Variants in MUCL1 observed in about 807,000 individuals in gnomAD.
The protein encoded by MUCL1 is mucin-like protein 1.
MUCL1 carries 11 observed loss-of-function variants against 9.2 expected under a neutral mutation model. The observed-to-expected ratio is 1.19, with a 90% CI of 0.75 to 1.97. The LOEUF (loss-of-function observed/expected upper bound fraction) is 1.97, where lower values mean the gene tolerates loss of function less well. Among genes scored for constraint, MUCL1 ranks in the 30% most tolerant of loss-of-function variants. The probability of loss-of-function intolerance (pLI) is 0.00; values close to 1 mark genes in which losing one functional copy is unlikely to be tolerated. For missense variants in MUCL1, 144 were observed against 110.9 expected, an observed-to-expected ratio of 1.30 and a Z score of -1.34; for synonymous variants, 48 against 40.5, an observed-to-expected ratio of 1.19 and a Z score of -0.71.
chr12:54,834,412 G>A (rs1447091579), upstream of MUCL1, among the ~76,000 whole-genome samples: 2 of 151,622 alleles, frequency 1.3e-5, no homozygotes, highest in African/African-American at 2.4e-5. Flanking sequence ...TCTTTTCATC[G>A]TCTAATTGTA....
At chr12:54,852,164 T>A (rs997007877), upstream of MUCL1, among the ~76,000 whole-genome samples, 1 of 152,098 alleles carries the variant, frequency 6.6e-6, no homozygotes, top group African/African-American at 2.4e-5. Context: ...TACTTTAAAG[T>A]TCATATGGAA....
At chr12:54,844,534 A>C (rs1259432649) in intron 1 of MUCL1, among the ~76,000 whole-genome samples, 1 of 152,194 alleles carries the variant, frequency 6.6e-6, no homozygotes, top group Non-Finnish European at 1.5e-5. Context: ...TGTGATGTGC[A>C]CCTAAAAGAG....
intron 2 of MUCL1, 129 bp downstream of exon 2, chr12:54,855,286 G>A (rs1565779124): frequency 5.3e-6 from 4 of 750,322 alleles, no homozygotes; most frequent in East Asian, 2.7e-5. Flanking sequence ...GTCTGTGAAA[G>A]CTATATTCCT....
upstream of MUCL1, among the ~76,000 whole-genome samples, chr12:54,836,230 G>A (rs1433628992): frequency 6.6e-6 from 1 of 152,026 alleles, no homozygotes; most frequent in Non-Finnish European, 1.5e-5. Flanking sequence ...TTTTGTAGTT[G>A]TTGCTGGCAA....
intron 1 of MUCL1, among the ~76,000 whole-genome samples, chr12:54,846,403 A>T (rs916830852): frequency 6.6e-6 from 1 of 152,184 alleles, no homozygotes; most frequent in Non-Finnish European, 1.5e-5. Context: ...CTGTGGCATG[A>T]CCTGCGAAGG....
chr12:54,831,910 G>A (rs1223420413), intron 1 of MUCL1, among the ~76,000 whole-genome samples: 1 of 152,074 alleles, frequency 6.6e-6, no homozygotes, highest in South Asian at 2.1e-4. Context: ...CTCTATAAAA[G>A]AAACCTTACT....
chr12:54,850,637 T>C (rs1024846907), upstream of MUCL1, among the ~76,000 whole-genome samples: 5 of 152,200 alleles, frequency 3.3e-5, no homozygotes, highest in Non-Finnish European at 7.3e-5. Flanking sequence ...CATGTGTCTT[T>C]TTAGCAGCAT....
At chr12:54,834,164 C>T (rs1257515094) in intron 1 of MUCL1, among the ~76,000 whole-genome samples, 1 of 151,988 alleles carries the variant, frequency 6.6e-6, no homozygotes. Flanking sequence ...ACTTCATGAA[C>T]TTATTTTTCT....
At chr12:54,839,559 C>A in intron 1 of MUCL1, 2 of 694,964 alleles carry the variant, frequency 2.9e-6, no homozygotes, top group Non-Finnish European at 5.2e-6. Context: ...AGGGAGGGAG[C>A]AACCTCATCC....
In MUCL1 at chr12:54,839,422, G is replaced by A. The variant is rs749097234; in HGVS notation, c.18G>A (p.Gly6=). The A allele has an allele frequency of 1.6e-5, 11 of 701,922 alleles. No individual in the cohort carries two copies. In the Admixed American group the frequency reaches 2.2e-4, roughly 14 times the overall value. The allele number at this position is 701,922 out of a possible 1,614,324, so 43.5% of individuals were successfully genotyped here. Residue 6 remains glycine, a synonymous_variant, in exon 1 of 4, where the codon GGG becomes GGA. Coordinates refer to the MUCL1 transcript ENST00000546809. ...TGGCCAGTATGGGAGGTGACCATGG[G>A]TATCAACTGGCAGTGACTAAAGCAG...
rs528834379 is a variant in MUCL1, at chr12:54,841,326, T to G, written c.43+1879T>G. Among the ~76,000 whole-genome samples, 7 of 152,358 alleles carry G rather than the reference T, an allele frequency of 4.6e-5. No individual in the cohort carries two copies. In the South Asian group the frequency reaches 1.4e-3, roughly 32 times the overall value. Reference sequence around the variant, plus strand: ...CAACACATGAAGGGGCACAGATATCTCTATAAGATGCTGATTTCCTTTGAG... The same window carrying G: ...CAACACATGAAGGGGCACAGATATCGCTATAAGATGCTGATTTCCTTTGAG... On this transcript the variant is annotated intron_variant, in intron 1 of 3. Transcript: ENST00000546809.
upstream of MUCL1, among the ~76,000 whole-genome samples, chr12:54,853,186 G>T (rs1444131889): frequency 6.6e-6 from 1 of 152,130 alleles, no homozygotes; most frequent in African/African-American, 2.4e-5. Context: ...ACCCAAAAAG[G>T]CATACTTTGT....
At chr12:54,855,748 A>G (rs1294521433) in intron 2 of MUCL1, among the ~76,000 whole-genome samples, 4 of 152,208 alleles carry the variant, frequency 2.6e-5, no homozygotes, top group African/African-American at 9.6e-5. Flanking sequence ...TGTTCTTCAC[A>G]TTCTGTACTG....
upstream of MUCL1, among the ~76,000 whole-genome samples, chr12:54,836,685 G>T (rs1959193480): frequency 6.6e-6 from 1 of 152,110 alleles, no homozygotes; most frequent in Admixed American, 6.5e-5. Flanking sequence ...TTGTCAACTT[G>T]TGATCTTTTG....
chr12:54,858,094 T>G (rs750382208), intron 3 of MUCL1, 99 bp from the exon 4 acceptor site: 1 of 1,405,816 alleles, frequency 7.1e-7, no homozygotes, highest in Non-Finnish European at 1.0e-6. Context: ...TGAGTTTAGT[T>G]GACATTTGAC....
At chr12:54,844,187 G>A (rs1328724970) in intron 1 of MUCL1, among the ~76,000 whole-genome samples, 1 of 152,110 alleles carries the variant, frequency 6.6e-6, no homozygotes, top group Non-Finnish European at 1.5e-5. Flanking sequence ...TAAGATGAAT[G>A]TTTTTTCCTT....
At chr12:54,855,341 A>G in intron 2 of MUCL1, 184 bp downstream of exon 2, 1 of 596,984 alleles carries the variant, frequency 1.7e-6, no homozygotes, top group Non-Finnish European at 3.0e-6. Context: ...CTTATTTCTT[A>G]TACATTCTTA....
chr12:54,858,219 C>G lies in MUCL1; in HGVS notation c.250C>G (p.Pro84Ala). The change falls in exon 4 of 4, where the codon CCG becomes GCG. Residue 84 changes from proline (P) to alanine (A), a missense_variant. Coordinates refer to ENST00000308796, the MANE Select transcript of MUCL1 (RefSeq NM_058173.3). ...TTTACCCAAATGGGTTGGGGATCTC[C>G]CGAATGGTAGAGTGTGTCCCTGAGA... ...PVLPKWVGDL[P>A]NGRVCP The G allele has an allele frequency of 6.2e-7, 1 of 1,613,502 alleles. No homozygotes were observed. Among genetic ancestry groups the G allele is most frequent in the Non-Finnish European group, 8.5e-7 (1 of 1,179,604 alleles).
upstream of MUCL1, among the ~76,000 whole-genome samples, chr12:54,852,675 C>A (rs1868264165): frequency 6.6e-6 from 1 of 152,056 alleles, no homozygotes. Context: ...TGTGGTGGGT[C>A]TCTGCCTCTG....
Sources: gnomAD v4.1 joint callset for allele counts (sites outside exome capture counted in the v4.1 genomes callset) on GRCh38, gnomAD v4.1.1 for gene constraint, MANE v1.5 for transcripts, NCBI Gene and HGNC (gene_info 2026-07-23, HGNC 2026-07-21) for gene names.